PLCB1: variants seen among roughly 807,000 people sequenced by gnomAD.
PLCB1 encodes 1-phosphatidylinositol 4,5-bisphosphate phosphodiesterase beta-1.
A neutral mutation model predicts 161.8 loss-of-function variants in PLCB1; 46 were observed. The observed-to-expected ratio is 0.28, with a 90% CI of 0.22 to 0.36. PLCB1 has a LOEUF of 0.36. Among genes scored for constraint, PLCB1 ranks in the 10% least tolerant of loss-of-function variants. PLCB1 has a pLI of 1.00. For synonymous variants in PLCB1, 517 were observed against 503.7 expected, an observed-to-expected ratio of 1.03 and a Z score of -0.35; for missense variants, 1,016 against 1,472.5, an observed-to-expected ratio of 0.69 and a Z score of 5.07.
At chr20:8,195,295 A>G (rs1447947658) in intron 2 of PLCB1, among the ~76,000 whole-genome samples, 3 of 151,988 alleles carry the variant, frequency 2.0e-5, no homozygotes, top group Non-Finnish European at 2.9e-5. Flanking sequence ...TCCTATAGAT[A>G]TATTAAACCT....
At chr20:8,466,574 A>G (rs1442643900) in intron 3 of PLCB1, among the ~76,000 whole-genome samples, 1 of 152,164 alleles carries the variant, frequency 6.6e-6, no homozygotes, top group Non-Finnish European at 1.5e-5. Context: ...CCACAACAAA[A>G]TACTAACAAT....
chr20:8,495,654 T>C (rs899864371), intron 3 of PLCB1, among the ~76,000 whole-genome samples: 1 of 91,506 alleles, frequency 1.1e-5, no homozygotes, highest in Non-Finnish European at 2.4e-5. Flanking sequence ...GCCTTGGCCT[T>C]CCGAAGTGCT....
intron 3 of PLCB1, among the ~76,000 whole-genome samples, chr20:8,435,242 T>G (rs570541157): frequency 9.1e-4 from 138 of 152,258 alleles, no homozygotes; most frequent in Middle Eastern, 3.4e-3. Context: ...AGTGTAGATG[T>G]GGTAGACCTA....
intron 9 of PLCB1, 21 bp downstream of exon 9, chr20:8,658,725 C>A (rs573327990): frequency 7.6e-6 from 12 of 1,574,766 alleles, no homozygotes; most frequent in African/African-American, 5.5e-5. Flanking sequence ...TCTTTCACAC[C>A]AAAGGGAAGC....
At chr20:8,283,455 A>G (rs1162421298) in intron 2 of PLCB1, among the ~76,000 whole-genome samples, 2 of 151,596 alleles carry the variant, frequency 1.3e-5, no homozygotes, top group African/African-American at 2.4e-5. Flanking sequence ...ATATATTATA[A>G]TATGCTTTTT....
chr20:8,373,711 A>G (rs1600352606), intron 3 of PLCB1, among the ~76,000 whole-genome samples: 1 of 152,300 alleles, frequency 6.6e-6, no homozygotes, highest in East Asian at 1.9e-4. Context: ...TGCTTTTGTT[A>G]TCACTAAAAA....
chr20:8,477,210 A>G (rs1425781767), intron 3 of PLCB1, among the ~76,000 whole-genome samples: 1 of 152,212 alleles, frequency 6.6e-6, no homozygotes, highest in Non-Finnish European at 1.5e-5. Flanking sequence ...CAGCTTGAAA[A>G]GATCCCCAAG....
At chr20:8,832,444 T>C (rs1173227448) in intron 31 of PLCB1, among the ~76,000 whole-genome samples, 1 of 152,220 alleles carries the variant, frequency 6.6e-6, no homozygotes, top group African/African-American at 2.4e-5. Flanking sequence ...AATACAGTCA[T>C]GGGTTATAGA....
Position 8,589,039 on chromosome 20 carries a change from G to A in PLCB1, c.247-39255G>A, listed in dbSNP as rs530794687. Among the ~76,000 whole-genome samples, 3 of 152,290 alleles carry A rather than the reference G, an allele frequency of 2.0e-5. No individual in the cohort carries two copies. The East Asian group carries it at 5.8e-4, about 29-fold the overall frequency. On this transcript the variant is annotated intron_variant, in intron 3 of 31. Transcript: ENST00000338037. Reference sequence around the variant, plus strand: ...TCCGACATCATGGTAAGTCAGCAAGGGGGAGAGACTGCACTTCTAAAGTGT... The same window carrying A: ...TCCGACATCATGGTAAGTCAGCAAGAGGGAGAGACTGCACTTCTAAAGTGT...
intron 3 of PLCB1, among the ~76,000 whole-genome samples, chr20:8,492,101 A>C (rs992194948): frequency 6.6e-6 from 1 of 152,042 alleles, no homozygotes; most frequent in Non-Finnish European, 1.5e-5. Flanking sequence ...TTTTCTCCAA[A>C]TTGTGTTATT....
rs1555803235 is a variant in PLCB1, at chr20:8,391,824, T to TAC, written c.246+20382_246+20383dup. On this transcript the variant is annotated intron_variant, in intron 3 of 31. Transcript: ENST00000338037. The stretch of plus-strand genomic sequence containing the variant: ...ATATATATATATATATATATATATA[T>TAC]ACACACACATATATATATATTACTT... 5.4e-3 allele frequency among the ~76,000 whole-genome samples: 623 copies of TAC among 115,258 alleles called. 5 individuals carry two copies. The highest frequency in any genetic ancestry group is 0.013 in the African/African-American group (403 of 30,982). The allele number at this position is 115,258 out of a possible 152,430, so 75.6% of individuals were successfully genotyped here. A position where few individuals can be genotyped will look rare whatever the true frequency, so the allele number is the denominator to read the frequency against.
intron 2 of PLCB1, among the ~76,000 whole-genome samples, chr20:8,301,690 G>C (rs944443847): frequency 2.6e-5 from 4 of 152,128 alleles, no homozygotes; most frequent in Non-Finnish European, 4.4e-5. Flanking sequence ...GACAGCCCAG[G>C]CTCTACTCAA....
At position 8,713,017 on chromosome 20, in the gene PLCB1, A is replaced by T. The variant is rs958260433; in HGVS notation, c.1251-3247A>T. 2.1e-4 allele frequency among the ~76,000 whole-genome samples: 32 copies of T among 152,206 alleles called. 1 individual carries two copies. The highest frequency in any genetic ancestry group is 6.8e-3 in the Middle Eastern group (2 of 294). ...ATTAAAGTTGGTTTGTTTTCCTCTGACTTTTTCAATTCAATTTGCTCTCTG... is the reference window on the plus strand; with the variant it reads ...ATTAAAGTTGGTTTGTTTTCCTCTGTCTTTTTCAATTCAATTTGCTCTCTG... On this transcript the variant is annotated intron_variant, in intron 12 of 31. Transcript: ENST00000338037.
At chr20:8,464,702 A>G (rs1981735154) in intron 3 of PLCB1, among the ~76,000 whole-genome samples, 1 of 152,170 alleles carries the variant, frequency 6.6e-6, no homozygotes, top group Non-Finnish European at 1.5e-5. Flanking sequence ...CCATAGCCAT[A>G]ACATAGAGAA....
chr20:8,198,713 A>G (rs1464616249), intron 2 of PLCB1, among the ~76,000 whole-genome samples: 2 of 152,194 alleles, frequency 1.3e-5, no homozygotes, highest in South Asian at 2.1e-4. Flanking sequence ...TTCAAACTAG[A>G]TATCTGACAC....
At chr20:8,498,578 G>T (rs1352533834) in intron 3 of PLCB1, among the ~76,000 whole-genome samples, 2 of 152,136 alleles carry the variant, frequency 1.3e-5, no homozygotes, top group African/African-American at 4.8e-5. Flanking sequence ...AGGCGGCGGG[G>T]AACATCCGGA....
intron 2 of PLCB1, among the ~76,000 whole-genome samples, chr20:8,157,017 T>G (rs1475128245): frequency 6.6e-6 from 1 of 152,204 alleles, no homozygotes; most frequent in Non-Finnish European, 1.5e-5. Context: ...CACTGACTTG[T>G]TTTCTATTTA....
chr20:8,446,124 A>G (rs1161384569), intron 3 of PLCB1, among the ~76,000 whole-genome samples: 2 of 152,334 alleles, frequency 1.3e-5, no homozygotes, highest in Non-Finnish European at 2.9e-5. Context: ...ATTTTAGACC[A>G]CTATCCCTGA....
rs76850232 is a variant in PLCB1 at position 8,151,116 on chromosome 20, C to G, written c.177+745C>G. On this transcript the variant is annotated intron_variant, in intron 2 of 31. Coordinates refer to ENST00000338037, the MANE Select transcript of PLCB1 (RefSeq NM_015192.4). The stretch of plus-strand genomic sequence containing the variant: ...AGTCCTACACTTGAACCTCAGAGGC[C>G]ACAGAATATAGAATGTTTTTGTTCT... Among the ~76,000 whole-genome samples the G allele has an allele frequency of 5.3e-3, 804 of 152,196 alleles. 7 individuals are homozygous for G. The highest frequency in any genetic ancestry group is 0.022 in the South Asian group (108 of 4,820).
Sources: allele counts gnomAD v4.1 joint callset (sites outside exome capture counted in the v4.1 genomes callset), GRCh38; gene constraint gnomAD v4.1.1; transcripts MANE v1.5; gene names NCBI Gene and HGNC (gene_info 2026-07-23, HGNC 2026-07-21).